The following BCKDHB variants were observed in gnomAD, a reference collection of about 807,000 sequenced individuals.
BCKDHB encodes 2-oxoisovalerate dehydrogenase subunit beta, mitochondrial.
In BCKDHB, 41 loss-of-function variants were observed where a neutral mutation model predicts 48.5. The observed-to-expected ratio is 0.85, with a 90% confidence interval of 0.66 to 1.10. The LOEUF (loss-of-function observed/expected upper bound fraction) is 1.10, where lower values mean the gene tolerates loss of function less well. Among genes scored for constraint, BCKDHB ranks in the 50% least tolerant of loss-of-function variants. BCKDHB has a pLI of 0.00. For synonymous variants in BCKDHB, 201 were observed against 174.8 expected (o/e 1.15, Z -1.18); for missense variants, 496 against 494.2 (o/e 1.00, Z -0.03).
the BCKDHB span, among the ~76,000 whole-genome samples, chr6:80,438,995 T>C: frequency 1.8e-4 from 27 of 152,302 alleles, no homozygotes; most frequent in African/African-American, 6.3e-4. Context: ...TATGCAGTCA[T>C]TCAGAGATAG....
At chr6:80,186,057 T>A (rs1562118635) in intron 6 of BCKDHB, among the ~76,000 whole-genome samples, 1 of 152,162 alleles carries the variant, frequency 6.6e-6, no homozygotes, top group Non-Finnish European at 1.5e-5. Flanking sequence ...GTGGTGCTTT[T>A]AAAAGAGTGC....
At chr6:80,442,633 AGAG>A in the BCKDHB span, among the ~76,000 whole-genome samples, 1 of 152,144 alleles carries the variant, frequency 6.6e-6, no homozygotes, top group Non-Finnish European at 1.5e-5. Flanking sequence ...GTGAGAGGAT[AGAG>A]AAGAGAGAAA....
intron 3 of BCKDHB, among the ~76,000 whole-genome samples, chr6:80,156,520 A>G (rs1340432717): frequency 3.3e-5 from 5 of 152,174 alleles, no homozygotes; most frequent in African/African-American, 1.2e-4. Flanking sequence ...TACAAAAAGA[A>G]TTTTCTATAC....
intron 8 of BCKDHB, among the ~76,000 whole-genome samples, chr6:80,237,587 A>G (rs75373377): frequency 0.036 from 5,482 of 151,996 alleles, 320 homozygotes; most frequent in African/African-American, 0.12. Flanking sequence ...TTACCTTTTT[A>G]CTCTTCACAG....
chr6:80,116,576 T>G (rs1003877292), intron 1 of BCKDHB, among the ~76,000 whole-genome samples: 1 of 152,238 alleles, frequency 6.6e-6, no homozygotes, highest in African/African-American at 2.4e-5. Context: ...TCAGCAGTGC[T>G]GATGACCTGC....
chr6:80,223,300 C>T (rs1157607246), intron 8 of BCKDHB, among the ~76,000 whole-genome samples: 1 of 152,022 alleles, frequency 6.6e-6, no homozygotes, highest in Non-Finnish European at 1.5e-5. Context: ...ATAACTCAGC[C>T]CCCTACAGTG....
chr6:80,319,333 A>G (rs1274873881), intron 9 of BCKDHB, among the ~76,000 whole-genome samples: 3 of 152,206 alleles, frequency 2.0e-5, no homozygotes, highest in Admixed American at 1.3e-4. Flanking sequence ...GTAGTACCCA[A>G]CTTGCTGAAT....
intron 3 of BCKDHB, among the ~76,000 whole-genome samples, chr6:80,136,578 T>C (rs1770896625): frequency 6.6e-6 from 1 of 151,828 alleles, no homozygotes; most frequent in Non-Finnish European, 1.5e-5. Flanking sequence ...TCTAAAGGTA[T>C]AGGCAACAAT....
chr6:80,221,752 A>T (rs1253804366), intron 8 of BCKDHB, among the ~76,000 whole-genome samples: 1 of 152,170 alleles, frequency 6.6e-6, no homozygotes, highest in African/African-American at 2.4e-5. Flanking sequence ...GAAAGTATCA[A>T]CTTCATTGTA....
the BCKDHB span, among the ~76,000 whole-genome samples, chr6:80,429,862 C>A: frequency 1.3e-5 from 2 of 152,328 alleles, no homozygotes; most frequent in East Asian, 3.9e-4. Context: ...TTATTTCTTT[C>A]TCTTACCTGA....
At chr6:80,245,968 C>T (rs188009747) in intron 8 of BCKDHB, among the ~76,000 whole-genome samples, 5 of 152,072 alleles carry the variant, frequency 3.3e-5, no homozygotes, top group East Asian at 3.9e-4. Flanking sequence ...TCCAGCTACT[C>T]GGGAGGCTGC....
At chr6:80,404,366 AT>A in the BCKDHB span, among the ~76,000 whole-genome samples, 1 of 151,820 alleles carries the variant, frequency 6.6e-6, no homozygotes, top group Non-Finnish European at 1.5e-5. Flanking sequence ...TTGATGTATA[AT>A]TATAATCTCT....
chr6:80,127,519 G>A (rs777475668), intron 1 of BCKDHB, 28 bp from the exon 2 acceptor site: 16 of 1,552,232 alleles, frequency 1.0e-5, no homozygotes, highest in Admixed American at 5.1e-5. Flanking sequence ...TACAACACAC[G>A]AAATGATTTT....
intron 9 of BCKDHB, among the ~76,000 whole-genome samples, chr6:80,314,753 G>A (rs563001802): frequency 4.6e-5 from 7 of 152,174 alleles, no homozygotes; most frequent in Non-Finnish European, 7.3e-5. Context: ...TCTGTCCGAG[G>A]GAGAGACCAG....
chr6:80,425,797 C>T, the BCKDHB span, among the ~76,000 whole-genome samples: 3 of 152,132 alleles, frequency 2.0e-5, no homozygotes, highest in Non-Finnish European at 4.4e-5. Flanking sequence ...GAAATGAAAA[C>T]TTTCTCTCAG....
chr6:80,395,159 G>T, the BCKDHB span, among the ~76,000 whole-genome samples: 31 of 152,156 alleles, frequency 2.0e-4, no homozygotes, highest in Non-Finnish European at 4.1e-4. Flanking sequence ...GTGGGGTGCT[G>T]CTGTAAAGAT....
the BCKDHB span, among the ~76,000 whole-genome samples, chr6:80,378,372 TG>T: frequency 6.6e-6 from 1 of 152,156 alleles, no homozygotes; most frequent in Admixed American, 6.5e-5. Context: ...CTTAGGATAA[TG>T]GCCTCCAGCT....
chr6:80,322,608 T>C (rs1768796439), intron 9 of BCKDHB, among the ~76,000 whole-genome samples: 1 of 152,170 alleles, frequency 6.6e-6, no homozygotes, highest in Admixed American at 6.5e-5. Flanking sequence ...GAGGAGACTT[T>C]GGCTTAGTGA....
intron 3 of BCKDHB, among the ~76,000 whole-genome samples, chr6:80,137,663 T>C (rs2127737406): frequency 6.6e-6 from 1 of 152,248 alleles, no homozygotes; most frequent in South Asian, 2.1e-4. Context: ...TTTGGCAATG[T>C]CTAGAGATAT....
Sources: allele counts gnomAD v4.1 joint callset (sites outside exome capture counted in the v4.1 genomes callset), GRCh38; gene constraint gnomAD v4.1.1; transcripts MANE v1.5; gene names NCBI Gene and HGNC (gene_info 2026-07-23, HGNC 2026-07-21).